Variants in TMEM108 observed in about 807,000 individuals in gnomAD.
TMEM108 encodes the protein cancer/testis antigen 124.
TMEM108 carries 12 observed loss-of-function variants against 35.1 expected under a neutral mutation model. That is an observed-to-expected ratio of 0.34 (90% CI 0.22 to 0.55). The LOEUF (loss-of-function observed/expected upper bound fraction) is 0.55, where lower values mean the gene tolerates loss of function less well. TMEM108 is among the 20% of genes least tolerant of loss of function. The probability of loss-of-function intolerance (pLI) is 0.89; values close to 1 mark genes in which losing one functional copy is unlikely to be tolerated. For synonymous variants in TMEM108, 287 were observed against 308.6 expected, an observed-to-expected ratio of 0.93 and a Z score of 0.73; for missense variants, 680 against 753.3, an observed-to-expected ratio of 0.90 and a Z score of 1.14.
At chr3:133,149,048 A>G (rs535123638) in intron 2 of TMEM108, among the ~76,000 whole-genome samples, 1 of 152,164 alleles carries the variant, frequency 6.6e-6, no homozygotes, top group East Asian at 1.9e-4. Flanking sequence ...AACCTAGCTT[A>G]TATAATAAGA....
At chr3:133,241,973 T>C (rs911587014) in intron 3 of TMEM108, among the ~76,000 whole-genome samples, 2 of 152,188 alleles carry the variant, frequency 1.3e-5, no homozygotes, top group Non-Finnish European at 2.9e-5. Flanking sequence ...TAGAATTTTT[T>C]TTCACAGTTT....
chr3:133,070,247 T>G (rs1943660050), intron 2 of TMEM108, among the ~76,000 whole-genome samples: 2 of 151,986 alleles, frequency 1.3e-5, no homozygotes. Flanking sequence ...ACCCTCAGAG[T>G]GTCAAGTATG....
At chr3:133,286,305 A>C (rs1046307058) in intron 3 of TMEM108, among the ~76,000 whole-genome samples, 1 of 152,194 alleles carries the variant, frequency 6.6e-6, no homozygotes, top group Non-Finnish European at 1.5e-5. Flanking sequence ...ATCTGTGGTC[A>C]TCTCTAATTT....
intron 2 of TMEM108, among the ~76,000 whole-genome samples, chr3:133,059,641 A>G (rs1943513939): frequency 6.6e-6 from 1 of 152,214 alleles, no homozygotes; most frequent in Non-Finnish European, 1.5e-5. Flanking sequence ...CTCTCTGTAT[A>G]GTGTATTCTC....
chr3:133,061,811 T>C (rs1195431437), intron 2 of TMEM108, among the ~76,000 whole-genome samples: 1 of 152,148 alleles, frequency 6.6e-6, no homozygotes, highest in Non-Finnish European at 1.5e-5. Flanking sequence ...AAGGAGAAAT[T>C]TTATAATGGC....
chr3:133,185,546 G>A (rs1945406284), intron 2 of TMEM108, among the ~76,000 whole-genome samples: 2 of 150,518 alleles, frequency 1.3e-5, no homozygotes, highest in Admixed American at 6.7e-5. Flanking sequence ...GTCTGCAGTG[G>A]AGCAGGCTGA....
rs191418254 is a variant in TMEM108 at position 133,374,199 on chromosome 3, G to A, written c.41-5553G>A. Among the ~76,000 whole-genome samples, 25 of 152,216 alleles carry A rather than the reference G, an allele frequency of 1.6e-4. No individual in the cohort carries two copies. In the East Asian group the frequency reaches 4.8e-3, roughly 29 times the overall value. ...AAGGCAGTAACAAAGGCCTACCTAG[G>A]TTCAAAGGGAGGGGAAACAGACTCT... On this transcript the variant is annotated intron_variant, in intron 3 of 5. Coordinates refer to ENST00000321871, the MANE Select transcript of TMEM108 (RefSeq NM_023943.4).
chr3:133,350,214 T>C (rs2071950021), intron 3 of TMEM108, among the ~76,000 whole-genome samples: 1 of 151,964 alleles, frequency 6.6e-6, no homozygotes, highest in Admixed American at 6.6e-5. Flanking sequence ...TCATATGTGG[T>C]ATCTAAAAAA....
chr3:133,321,189 G>A (rs532300920), intron 3 of TMEM108, among the ~76,000 whole-genome samples: 1 of 152,088 alleles, frequency 6.6e-6, no homozygotes, highest in Admixed American at 6.5e-5. Context: ...AATGTAAAAT[G>A]GATTAAATGT....
At chr3:133,165,252 G>A (rs1173797184) in intron 2 of TMEM108, among the ~76,000 whole-genome samples, 2 of 152,200 alleles carry the variant, frequency 1.3e-5, no homozygotes, top group Non-Finnish European at 2.9e-5. Flanking sequence ...CTTTCCTGGT[G>A]AGGGAGGGGC....
Position 133,076,416 on chromosome 3 carries a change from T to A in TMEM108, c.-47+30396T>A, listed in dbSNP as rs147814389. Among the ~76,000 whole-genome samples the A allele has an allele frequency of 2.9e-3, 437 of 152,240 alleles. 3 individuals are homozygous for A. The highest frequency in any genetic ancestry group is 0.01 in the African/African-American group (416 of 41,540). ...CTCGAGGTCTTTTGGAAGTTGAGATTGGAACTTGGGTCTCAAAGCCCAAGT... is the reference window on the plus strand; with the variant it reads ...CTCGAGGTCTTTTGGAAGTTGAGATAGGAACTTGGGTCTCAAAGCCCAAGT... On this transcript the variant is annotated intron_variant, in intron 2 of 5. Coordinates refer to ENST00000321871, the MANE Select transcript of TMEM108 (RefSeq NM_023943.4).
chr3:133,380,268 C>A lies in TMEM108; in HGVS notation c.557C>A (p.Ala186Glu). 6.2e-7 allele frequency: 1 copy of A among 1,614,112 alleles called. No individual in the cohort carries two copies. Among genetic ancestry groups the A allele is most frequent in the Non-Finnish European group, 8.5e-7 (1 of 1,179,996 alleles). ...AATTCATCACGCCCTGTCCCGCCTG[C>A]ACCTGGTGGCCACTCCAGGAGTAAA... ...AGNSSRPVPP[A>E]PGGHSRSKEG... is the part of the protein sequence containing the mutation. The change falls in exon 4 of 6, where the codon GCA (alanine) becomes GAA (glutamate). Residue 186 changes from alanine (A) to glutamate (E), a missense_variant. Physicochemically the swap from Ala to Glu is moderately radical, Grantham distance 107. Coordinates refer to ENST00000321871, the MANE Select transcript of TMEM108 (RefSeq NM_023943.4). This position sits in a 1 kb window ranked among gnomAD's most constrained non-coding sequence, Gnocchi z 5.3.
chr3:133,324,340 C>T (rs1157752137), intron 3 of TMEM108, among the ~76,000 whole-genome samples: 1 of 151,928 alleles, frequency 6.6e-6, no homozygotes, highest in Non-Finnish European at 1.5e-5. Context: ...AAAACAATCC[C>T]ATCAAAAAGT....
chr3:133,283,475 G>C (rs1402894635), intron 3 of TMEM108, among the ~76,000 whole-genome samples: 1 of 152,202 alleles, frequency 6.6e-6, no homozygotes, highest in Non-Finnish European at 1.5e-5. Context: ...TTTCTCATAT[G>C]CTGTGCAATT....
chr3:133,383,472 G>C (rs1325502626), intron 4 of TMEM108, among the ~76,000 whole-genome samples: 5 of 152,194 alleles, frequency 3.3e-5, no homozygotes, highest in African/African-American at 1.2e-4. Flanking sequence ...ACTGTGCCGA[G>C]CATTAGGGAA....
Position 133,380,414 on chromosome 3 carries a change from C to A in TMEM108, c.703C>A (p.Leu235Ile), listed in dbSNP as rs1199113847. 3 of 1,613,576 alleles carry A rather than the reference C, an allele frequency of 1.9e-6. No homozygotes were observed. Among genetic ancestry groups the A allele is most frequent in the Non-Finnish European group, 2.5e-6 (3 of 1,179,772 alleles). Reference sequence around the variant, plus strand: ...GTCTGTGGAACCGGAGCCCTCTACCCTCACCCCCAGGACCCCACTCTGGGG... The same window carrying A: ...GTCTGTGGAACCGGAGCCCTCTACCATCACCCCCAGGACCCCACTCTGGGG... ...TGSVEPEPST[L>I]TPRTPLWGYS... is the part of the protein sequence containing the mutation. The change falls in exon 4 of 6, where the codon CTC becomes ATC. Residue 235 changes from leucine to isoleucine, a missense_variant. Coordinates refer to ENST00000321871, the MANE Select transcript of TMEM108 (RefSeq NM_023943.4). The surrounding 1 kb of genome is among the most constrained non-coding windows in gnomAD (Gnocchi z 5.3).
At chr3:133,278,852 TA>T (rs1946872556) in intron 3 of TMEM108, among the ~76,000 whole-genome samples, 1 of 152,144 alleles carries the variant, frequency 6.6e-6, no homozygotes, top group Non-Finnish European at 1.5e-5. Flanking sequence ...ATAAAACGAA[TA>T]ATGCAGACTC....
chr3:133,208,782 C>T (rs1006350695), intron 2 of TMEM108, among the ~76,000 whole-genome samples: 3 of 152,140 alleles, frequency 2.0e-5, no homozygotes, highest in Non-Finnish European at 4.4e-5. Context: ...CATTCTCAAA[C>T]TCCTGCCTCA....
chr3:133,184,358 G>A (rs546453363), intron 2 of TMEM108, among the ~76,000 whole-genome samples: 2 of 152,154 alleles, frequency 1.3e-5, no homozygotes, highest in South Asian at 2.1e-4. Context: ...TTTTCTTTTC[G>A]TATTGGTTTT....
Sources: gnomAD v4.1 joint callset for allele counts (sites outside exome capture counted in the v4.1 genomes callset) on GRCh38, gnomAD v4.1.1 for gene constraint, Gnocchi (gnomAD v3.1) non-coding constraint, MANE v1.5 for transcripts, NCBI Gene and HGNC (gene_info 2026-07-23, HGNC 2026-07-21) for gene names.